The following ASTN1 variants were observed in gnomAD, a reference collection of about 807,000 sequenced individuals.
The protein encoded by ASTN1 is astrotactin-1.
In ASTN1, 41 loss-of-function variants were observed where a neutral mutation model predicts 140.7. That is an observed-to-expected ratio of 0.29 (90% CI 0.23 to 0.38). The LOEUF (loss-of-function observed/expected upper bound fraction) is 0.38, where lower values mean the gene tolerates loss of function less well. Among genes scored for constraint, ASTN1 ranks in the 10% least tolerant of loss-of-function variants. The probability of loss-of-function intolerance (pLI) is 1.00; values close to 1 mark genes in which losing one functional copy is unlikely to be tolerated. For missense variants in ASTN1, 1,479 were observed against 1,678.8 expected (o/e 0.88, Z 2.08); for synonymous variants, 640 against 652.2 (o/e 0.98, Z 0.29).
At chr1:176,925,879 C>T (rs1319710894) in intron 16 of ASTN1, among the ~76,000 whole-genome samples, 2 of 151,412 alleles carry the variant, frequency 1.3e-5, no homozygotes, top group East Asian at 3.9e-4. Context: ...AATCTCGGCT[C>T]ACTGTAAGCT....
At chr1:176,996,414 C>G (rs574956097) in intron 8 of ASTN1, among the ~76,000 whole-genome samples, 1 of 152,062 alleles carries the variant, frequency 6.6e-6, no homozygotes, top group Non-Finnish European at 1.5e-5. Flanking sequence ...ACTTCCCAGG[C>G]AGTTTCTTTC....
rs183852808 is a variant in ASTN1, at chr1:177,002,647, C to T, written c.1523+12144G>A. ...AAGATACGCAGTGGCAAAATGTTTG[C>T]TCTTAATTTTTGAAATTACATAAAG... On this transcript the variant is annotated intron_variant, in intron 8 of 22. Coordinates refer to ENST00000361833, the MANE Select transcript of ASTN1 (RefSeq NM_004319.3). 7.2e-4 allele frequency among the ~76,000 whole-genome samples: 109 copies of T among 152,100 alleles called. 1 individual carries two copies. The highest frequency in any genetic ancestry group is 2.6e-3 in the African/African-American group (106 of 41,484).
chr1:176,931,380 C>A (rs1288993943), intron 16 of ASTN1, among the ~76,000 whole-genome samples: 2 of 152,160 alleles, frequency 1.3e-5, no homozygotes, highest in Non-Finnish European at 2.9e-5. Flanking sequence ...GCAGAAGAAT[C>A]TCTTGAACCT....
chr1:176,880,931 T>C (rs1457392834), intron 20 of ASTN1, among the ~76,000 whole-genome samples: 2 of 152,206 alleles, frequency 1.3e-5, no homozygotes, highest in Non-Finnish European at 2.9e-5. Flanking sequence ...CAGCACTCCA[T>C]TAATGAAGGC....
chr1:177,111,434 G>T (rs1361083033), intron 1 of ASTN1, among the ~76,000 whole-genome samples: 1 of 148,426 alleles, frequency 6.7e-6, no homozygotes, highest in Non-Finnish European at 1.5e-5. Context: ...GGTCTGGGGT[G>T]GACCCTTAGA....
chr1:177,080,950 C>T (rs1679150818), intron 1 of ASTN1, among the ~76,000 whole-genome samples: 3 of 152,182 alleles, frequency 2.0e-5, no homozygotes, highest in African/African-American at 4.8e-5. Context: ...GCACTCAATA[C>T]ATGTGTGCAC....
chr1:176,866,283 G>A (rs937176353), intron 22 of ASTN1, among the ~76,000 whole-genome samples: 4 of 152,258 alleles, frequency 2.6e-5, no homozygotes, highest in African/African-American at 9.6e-5. Flanking sequence ...GTGAGGTCAT[G>A]GGAGGGATAG....
chr1:177,032,399 T>G, intron 3 of ASTN1, 57 bp downstream of exon 3: 2 of 1,573,554 alleles, frequency 1.3e-6, no homozygotes, highest in South Asian at 1.2e-5. Flanking sequence ...TCCTACCCAC[T>G]CCCCAGCTCC....
chr1:177,164,345 G>T, intron 1 of ASTN1, 49 bp downstream of exon 1: 2 of 1,466,090 alleles, frequency 1.4e-6, no homozygotes, highest in South Asian at 1.4e-5. Context: ...TGGGGGGTGG[G>T]GGCGCCGGTC....
intron 2 of ASTN1, among the ~76,000 whole-genome samples, chr1:177,040,655 G>A (rs1676928388): frequency 6.6e-6 from 1 of 152,208 alleles, no homozygotes; most frequent in African/African-American, 2.4e-5. Flanking sequence ...TTCTTCTCAG[G>A]AGGAAATTCA....
chr1:177,140,908 T>C (rs1217326479), intron 1 of ASTN1, among the ~76,000 whole-genome samples: 1 of 152,146 alleles, frequency 6.6e-6, no homozygotes, highest in Non-Finnish European at 1.5e-5. Context: ...AAGTCTTAGT[T>C]TCTACATTAA....
chr1:177,104,566 CCAAA>C (rs1424938596), intron 1 of ASTN1, among the ~76,000 whole-genome samples: 5 of 152,236 alleles, frequency 3.3e-5, no homozygotes, highest in African/African-American at 9.6e-5. Context: ...CATACGTTCA[CCAAA>C]CAGTGTCTCA....
At chr1:176,974,199 G>A (rs1673264748) in intron 8 of ASTN1, among the ~76,000 whole-genome samples, 1 of 151,956 alleles carries the variant, frequency 6.6e-6, no homozygotes. Flanking sequence ...TTCCTTCTGT[G>A]GCTCAATTTT....
chr1:176,999,667 A>G (rs2101910880), intron 8 of ASTN1, among the ~76,000 whole-genome samples: 1 of 152,152 alleles, frequency 6.6e-6, no homozygotes, highest in South Asian at 2.1e-4. Context: ...TCCCCACCCA[A>G]AATGTCATCT....
intron 9 of ASTN1, among the ~76,000 whole-genome samples, chr1:176,964,197 C>T (rs1334090167): frequency 6.6e-6 from 1 of 152,158 alleles, no homozygotes; most frequent in Non-Finnish European, 1.5e-5. Flanking sequence ...GGAAAGGTGG[C>T]AGTGAAGAAG....
intron 8 of ASTN1, among the ~76,000 whole-genome samples, chr1:176,986,910 C>T (rs78435212): frequency 7.7e-4 from 118 of 152,286 alleles, no homozygotes; most frequent in African/African-American, 2.6e-3. Context: ...TCATCATCAC[C>T]TGTTGCAACT....
chr1:176,864,459 TGAA>T lies in ASTN1; in HGVS notation c.3707_3709del (p.Leu1236del). 1 of 1,614,170 alleles carries T rather than the reference TGAA, an allele frequency of 6.2e-7. No individual in the cohort carries two copies. The highest frequency in any genetic ancestry group is 1.1e-5 in the South Asian group (1 of 91,090). ...GCGCCGCAAGCTTATCTTGGGTTCC[TGAA>T]GGAGTCCATTGCACCAACTGCTGAG... On this transcript the variant is annotated inframe_deletion, in exon 23 of 23. Coordinates refer to ENST00000361833, the MANE Select transcript of ASTN1 (RefSeq NM_004319.3).
chr1:176,888,296 C>T (rs1377311738), intron 17 of ASTN1, 92 bp from the exon 18 acceptor site: 1 of 1,440,070 alleles, frequency 6.9e-7, no homozygotes, highest in African/African-American at 1.4e-5. Context: ...TCTGCATGGC[C>T]CTAAATTACT....
Position 176,885,305 on chromosome 1 carries a change from G to T in ASTN1, c.3075-815C>A, listed in dbSNP as rs370854956. Among the ~76,000 whole-genome samples, 122 of 152,160 alleles carry T rather than the reference G, an allele frequency of 8.0e-4. 3 individuals are homozygous for T. The South Asian group carries it at 0.025, about 32-fold the overall frequency. ...TCCACATTTACCACTGTCTTGCCTT[G>T]CCAGCTCATACCTCTCTGTACCTCG... On this transcript the variant is annotated intron_variant, in intron 18 of 22. Transcript: ENST00000361833.
Sources: allele counts gnomAD v4.1 joint callset (sites outside exome capture counted in the v4.1 genomes callset), GRCh38; gene constraint gnomAD v4.1.1; transcripts MANE v1.5; gene names NCBI Gene and HGNC (gene_info 2026-07-23, HGNC 2026-07-21).